RBFOX1: variants seen among roughly 807,000 people sequenced by gnomAD.
RBFOX1 encodes the protein RNA binding fox-1 homolog 1, also known as RNA binding protein fox-1 homolog 1.
RBFOX1 carries 8 observed loss-of-function variants against 57.7 expected under a neutral mutation model. The ratio of observed to expected loss-of-function variants is 0.14; its 90% CI spans 0.08 to 0.25. The LOEUF (loss-of-function observed/expected upper bound fraction) is 0.25. RBFOX1 is among the 10% of genes least tolerant of loss of function. The pLI, the probability that RBFOX1 is intolerant of heterozygous loss-of-function variation, is 1.00. For synonymous variants in RBFOX1, 326 were observed against 222.4 expected (o/e 1.47, Z -4.15); for missense variants, 611 against 548.5 (o/e 1.11, Z -1.14).
At chr16:7,107,078 C>A (rs1276266567) in intron 4 of RBFOX1, among the ~76,000 whole-genome samples, 3 of 151,970 alleles carry the variant, frequency 2.0e-5, no homozygotes, top group Non-Finnish European at 4.4e-5. Context: ...CTATAAGGAA[C>A]TGATATTTAA....
At chr16:5,732,310 A>G (rs1374896133) in intron 3 of RBFOX1, among the ~76,000 whole-genome samples, 3 of 152,230 alleles carry the variant, frequency 2.0e-5, no homozygotes, top group African/African-American at 7.2e-5. Context: ...TGGAGCCAAG[A>G]GGGAACGTAC....
chr16:6,735,512 C>T (rs1420363734), intron 3 of RBFOX1, among the ~76,000 whole-genome samples: 6 of 152,150 alleles, frequency 3.9e-5, no homozygotes, highest in South Asian at 2.1e-4. Context: ...TATTTGGAGA[C>T]GTTTGAGTGG....
chr16:5,822,907 C>T (rs2055906603), intron 3 of RBFOX1, among the ~76,000 whole-genome samples: 1 of 152,210 alleles, frequency 6.6e-6, no homozygotes, highest in South Asian at 2.1e-4. Flanking sequence ...TCTGTCTTGC[C>T]AGGCTGTGGG....
chr16:6,189,024 C>G (rs2097125464), intron 1 of RBFOX1, among the ~76,000 whole-genome samples: 3 of 152,182 alleles, frequency 2.0e-5, no homozygotes, highest in South Asian at 4.1e-4. Flanking sequence ...TTATCTAACC[C>G]TCTATGAACC....
chr16:7,477,715 C>T (rs1201496424), intron 4 of RBFOX1, among the ~76,000 whole-genome samples: 1 of 152,172 alleles, frequency 6.6e-6, no homozygotes, highest in Non-Finnish European at 1.5e-5. Flanking sequence ...TAGCCTCAGA[C>T]TTCAAGGTGG....
At chr16:7,403,697 C>A (rs1037251832) in intron 4 of RBFOX1, among the ~76,000 whole-genome samples, 3 of 151,582 alleles carry the variant, frequency 2.0e-5, no homozygotes, top group Non-Finnish European at 4.4e-5. Context: ...CAGGCACCTG[C>A]CACTACTCCA....
chr16:5,983,801 G>C (rs889424329), intron 4 of RBFOX1, among the ~76,000 whole-genome samples: 3 of 151,620 alleles, frequency 2.0e-5, no homozygotes, highest in East Asian at 2.0e-4. Flanking sequence ...AGGCTGTCGG[G>C]GGGTGTCAGG....
intron 13 of RBFOX1, among the ~76,000 whole-genome samples, chr16:7,666,579 G>C (rs1012902001): frequency 3.3e-5 from 5 of 152,162 alleles, no homozygotes; most frequent in Admixed American, 1.3e-4. Flanking sequence ...AGGAAGGAGA[G>C]GCTGCCTGAA....
At chr16:5,275,270 A>C (rs957884237) in intron 1 of RBFOX1, among the ~76,000 whole-genome samples, 3 of 152,192 alleles carry the variant, frequency 2.0e-5, no homozygotes, top group African/African-American at 7.2e-5. Context: ...GATATTGATC[A>C]CCTCAAACAT....
intron 2 of RBFOX1, among the ~76,000 whole-genome samples, chr16:6,386,365 A>G (rs1167121748): frequency 6.6e-6 from 1 of 152,040 alleles, no homozygotes; most frequent in African/African-American, 2.4e-5. Flanking sequence ...CCTTTCTTTA[A>G]CCACTGAGTG....
At chr16:7,303,012 C>T (rs1263634170) in intron 4 of RBFOX1, among the ~76,000 whole-genome samples, 8 of 152,194 alleles carry the variant, frequency 5.3e-5, no homozygotes, top group Middle Eastern at 3.2e-3. Flanking sequence ...AATCTCTTAT[C>T]AGACACGGAC....
intron 2 of RBFOX1, among the ~76,000 whole-genome samples, chr16:6,439,341 C>G (rs960216127): frequency 6.6e-6 from 1 of 152,208 alleles, no homozygotes; most frequent in Non-Finnish European, 1.5e-5. Flanking sequence ...CGGCCAACCT[C>G]TCCTTTCCCC....
intron 2 of RBFOX1, among the ~76,000 whole-genome samples, chr16:6,515,732 C>T (rs1015525804): frequency 1.3e-4 from 20 of 152,150 alleles, no homozygotes; most frequent in African/African-American, 4.6e-4. Flanking sequence ...CCCCATACCT[C>T]CACTGTGCTG....
intron 3 of RBFOX1, among the ~76,000 whole-genome samples, chr16:6,736,479 C>G (rs2070347303): frequency 1.3e-5 from 2 of 152,238 alleles, no homozygotes; most frequent in South Asian, 4.2e-4. Context: ...ATTGCAAATG[C>G]TGTTAATTCA....
chr16:7,228,104 A>G (rs1038130711), intron 4 of RBFOX1, among the ~76,000 whole-genome samples: 1 of 152,130 alleles, frequency 6.6e-6, no homozygotes, highest in Non-Finnish European at 1.5e-5. Flanking sequence ...GTTAAGAATC[A>G]CTATCTTACA....
chr16:7,528,960 A>C (rs1567681822), intron 5 of RBFOX1, among the ~76,000 whole-genome samples: 1 of 152,200 alleles, frequency 6.6e-6, no homozygotes, highest in East Asian at 1.9e-4. Context: ...CACATAAGTT[A>C]TGGGTTGGAA....
intron 1 of RBFOX1, among the ~76,000 whole-genome samples, chr16:5,245,969 C>T (rs2062289167): frequency 2.0e-5 from 3 of 152,122 alleles, no homozygotes; most frequent in African/African-American, 7.2e-5. Context: ...TCTGGCCGGG[C>T]CCAGTGGCTC....
At chr16:7,120,942 C>T (rs1266498480) in intron 4 of RBFOX1, among the ~76,000 whole-genome samples, 1 of 150,908 alleles carries the variant, frequency 6.6e-6, no homozygotes, top group Non-Finnish European at 1.5e-5. Flanking sequence ...CCCAGGAGTC[C>T]AAGGCTGGTT....
chr16:5,714,966 G>C (rs1466415076), intron 3 of RBFOX1, among the ~76,000 whole-genome samples: 3 of 152,202 alleles, frequency 2.0e-5, no homozygotes, highest in African/African-American at 7.2e-5. Context: ...TATACTTCCA[G>C]TTGTGTTGAG....
Sources: gnomAD v4.1 joint callset for allele counts (sites outside exome capture counted in the v4.1 genomes callset) on GRCh38, gnomAD v4.1.1 for gene constraint, MANE v1.5 for transcripts, NCBI Gene and HGNC (gene_info 2026-07-23, HGNC 2026-07-21) for gene names.